The following MAGED1 variants were observed in gnomAD, a reference collection of about 807,000 sequenced individuals.
MAGED1 encodes MAGE family member D1, also known as melanoma-associated antigen D1.
In MAGED1, 3 loss-of-function variants were observed where a neutral mutation model predicts 54.1. The ratio of observed to expected loss-of-function variants is 0.06; its 90% confidence interval spans 0.03 to 0.14. The LOEUF is 0.14. MAGED1 is among the 10% of genes least tolerant of loss of function. MAGED1 has a pLI of 1.00. For missense variants in MAGED1, 485 were observed against 623.4 expected, an observed-to-expected ratio of 0.78 and a Z score of 2.36; for synonymous variants, 217 against 227.3, an observed-to-expected ratio of 0.95 and a Z score of 0.41.
intron 1 of MAGED1, among the ~76,000 whole-genome samples, chrX:51,832,118 G>A (rs1278097157): frequency 1.8e-5 from 2 of 110,984 alleles, no homozygotes; most frequent in African/African-American, 6.6e-5. Flanking sequence ...CTGCAGCTCC[G>A]CCTTCCGGGC....
At chrX:51,881,589 G>C (rs1557362499) in intron 1 of MAGED1, among the ~76,000 whole-genome samples, 1 of 108,700 alleles carries the variant, frequency 9.2e-6, no homozygotes, top group Non-Finnish European at 1.9e-5. Context: ...CTAATTTTTT[G>C]TATTTTCAGT....
At chrX:51,870,997 C>G (rs368367030) in intron 1 of MAGED1, among the ~76,000 whole-genome samples, 2 of 112,265 alleles carry the variant, frequency 1.8e-5, no homozygotes, top group East Asian at 2.8e-4. Flanking sequence ...AGCACACTCC[C>G]GGAGAGGGTT....
chrX:51,848,227 A>C (rs1926756556), intron 1 of MAGED1, among the ~76,000 whole-genome samples: 1 of 110,844 alleles, frequency 9.0e-6, no homozygotes, highest in South Asian at 3.8e-4. Flanking sequence ...GGTCTTTTTT[A>C]TATACCTGCA....
At chrX:51,805,657 TAAAC>T (rs1254038597) in intron 1 of MAGED1, among the ~76,000 whole-genome samples, 7 of 108,718 alleles carry the variant, frequency 6.4e-5, no homozygotes, top group Admixed American at 1.0e-4. Context: ...AATAAAAAAT[TAAAC>T]AAGCAGAAGT....
chrX:51,814,301 G>A (rs782814292), intron 1 of MAGED1, among the ~76,000 whole-genome samples: 1 of 111,527 alleles, frequency 9.0e-6, no homozygotes, highest in Non-Finnish European at 1.9e-5. Flanking sequence ...CGCCGCCGCC[G>A]CTGCCGCTGC....
upstream of MAGED1, among the ~76,000 whole-genome samples, chrX:51,889,345 G>A (rs1210362118): frequency 9.0e-6 from 1 of 110,715 alleles, no homozygotes; most frequent in African/African-American, 3.3e-5. Context: ...TCATGTCATA[G>A]GGCCGGGCAT....
chrX:51,813,831 G>A (rs1240289828), intron 1 of MAGED1, among the ~76,000 whole-genome samples: 1 of 111,848 alleles, frequency 8.9e-6, no homozygotes, highest in African/African-American at 3.3e-5. Context: ...AGGGTAGCTA[G>A]TTTTTTAGTT....
intron 1 of MAGED1, among the ~76,000 whole-genome samples, chrX:51,814,983 A>AAAAAAAG (rs1925364176): frequency 9.4e-6 from 1 of 106,578 alleles, no homozygotes; most frequent in Non-Finnish European, 1.9e-5. Flanking sequence ...AAAAAAAAAA[A>AAAAAAAG]AAAAAAGAAA....
intron 1 of MAGED1, among the ~76,000 whole-genome samples, chrX:51,871,143 T>C (rs1209738427): frequency 1.8e-5 from 2 of 112,010 alleles, no homozygotes; most frequent in African/African-American, 6.5e-5. Context: ...TGAACATCTG[T>C]TTTGGATCTC....
At chrX:51,859,101 A>G (rs1355635371) in intron 1 of MAGED1, among the ~76,000 whole-genome samples, 1 of 111,253 alleles carries the variant, frequency 9.0e-6, no homozygotes, top group Non-Finnish European at 1.9e-5. Flanking sequence ...CTTTAGTTAT[A>G]TTAATAAATC....
intron 1 of MAGED1, among the ~76,000 whole-genome samples, chrX:51,856,548 A>T (rs1557360221): frequency 8.9e-6 from 1 of 112,211 alleles, no homozygotes; most frequent in East Asian, 2.8e-4. Flanking sequence ...ACTGTTACTC[A>T]TGTTCTTTGC....
intron 1 of MAGED1, among the ~76,000 whole-genome samples, chrX:51,884,014 C>A (rs1368347170): frequency 9.0e-6 from 1 of 110,983 alleles, no homozygotes; most frequent in Non-Finnish European, 1.9e-5. Flanking sequence ...GCCTTAGGCA[C>A]TTGTTGGACT....
chrX:51,842,929 A>G (rs1317956178), intron 1 of MAGED1, among the ~76,000 whole-genome samples: 1 of 110,357 alleles, frequency 9.1e-6, no homozygotes, highest in Non-Finnish European at 1.9e-5. Flanking sequence ...TCCTGAGTTC[A>G]AGTGATCCAC....
chrX:51,896,441 T>C lies in MAGED1; in HGVS notation c.786T>C (p.Ser262=). The stretch of plus-strand genomic sequence containing the variant: ...ACTTGAATGTTGAAGAGAACAGCAG[T>C]GGGGATCAGAGGCGGGCCCCACTGG... ...INNLNVEENS[S]GDQRRAPLAA... is the part of the protein sequence containing the mutation. Residue 262 remains serine, a synonymous_variant, in exon 4 of 13, where the codon AGT becomes AGC. Coordinates refer to ENST00000326587, the MANE Select transcript of MAGED1 (RefSeq NM_006986.4). The C allele has an allele frequency of 1.7e-6, 2 of 1,210,942 alleles. No individual in the cohort carries two copies. The highest frequency in any genetic ancestry group is 5.9e-5 in the East Asian group (2 of 33,850).
rs781843210 is a variant in MAGED1 at position 51,895,690 on chromosome X, C to T, written c.683C>T (p.Thr228Ile). The change falls in exon 3 of 13, where the codon ACA becomes ATA. Residue 228 changes from threonine (T) to isoleucine (I), a missense_variant. Thr to Ile is a moderately conservative substitution (Grantham distance 89). Transcript: ENST00000326587. ...GAACCTGACGGTGCAACTGCACAGA[C>T]ATCAGCAGATGGTTCCCAGGCTCAG... ...ISEPDGATAQ[T>I]SADGSQAQNL... is the part of the protein sequence containing the mutation. 3.3e-6 allele frequency: 4 copies of T among 1,203,609 alleles called. No homozygotes were observed. Among genetic ancestry groups the T allele is most frequent in the Admixed American group, 2.2e-5 (1 of 45,081 alleles).
At chrX:51,808,460 G>A (rs1171903068) in intron 1 of MAGED1, among the ~76,000 whole-genome samples, 1 of 112,098 alleles carries the variant, frequency 8.9e-6, no homozygotes, top group African/African-American at 3.2e-5. Flanking sequence ...TGTAATCCCA[G>A]CACTTTGGGA....
intron 1 of MAGED1, among the ~76,000 whole-genome samples, chrX:51,863,338 A>G (rs1054171248): frequency 3.6e-5 from 4 of 112,129 alleles, no homozygotes; most frequent in African/African-American, 1.3e-4. Flanking sequence ...GTGTGTGTGT[A>G]TGTATGTGTG....
intron 1 of MAGED1, among the ~76,000 whole-genome samples, chrX:51,854,853 A>G (rs1557360060): frequency 1.8e-5 from 2 of 111,158 alleles, no homozygotes; most frequent in African/African-American, 6.6e-5. Flanking sequence ...CCTCTGTTGC[A>G]TCATCTTCTT....
Position 51,896,518 on chromosome X carries a change from C to T in MAGED1, c.863C>T (p.Pro288Leu). ...APVPVTTQNP[P>L]GAPPNVLWQT... ...GTTCCAGTGACCACTCAGAACCCACCTGGCGCACCCCCCAATGTGCTCTGG... is the reference window on the plus strand; with the variant it reads ...GTTCCAGTGACCACTCAGAACCCACTTGGCGCACCCCCCAATGTGCTCTGG... The change falls in exon 4 of 13, where the codon CCT (proline) becomes CTT (leucine). Residue 288 changes from proline to leucine, a missense_variant. Transcript: ENST00000326587. 8.3e-7 allele frequency: 1 copy of T among 1,211,977 alleles called. No homozygotes were observed. The highest frequency in any genetic ancestry group is 1.1e-6 in the Non-Finnish European group (1 of 895,500).
Sources: gnomAD v4.1 joint callset for allele counts (sites outside exome capture counted in the v4.1 genomes callset) on GRCh38, gnomAD v4.1.1 for gene constraint, MANE v1.5 for transcripts, NCBI Gene and HGNC (gene_info 2026-07-23, HGNC 2026-07-21) for gene names.